Variants in DNAJB4 observed in about 807,000 individuals in gnomAD.
DNAJB4 encodes the protein dnaJ homolog subfamily B member 4.
Under a neutral mutation model 26.6 loss-of-function variants are expected in DNAJB4, and 10 were observed. That is an observed-to-expected ratio of 0.38 (90% confidence interval 0.23 to 0.64). The LOEUF is 0.64. Ranked by LOEUF, DNAJB4 falls within the 30% of genes least tolerant of loss-of-function variation. DNAJB4 has a pLI of 0.58. For missense variants in DNAJB4, 328 were observed against 408.2 expected, an observed-to-expected ratio of 0.80 and a Z score of 1.69; for synonymous variants, 136 against 134.8, an observed-to-expected ratio of 1.01 and a Z score of -0.06.
intron 1 of DNAJB4, among the ~76,000 whole-genome samples, chr1:77,995,147 A>G (rs1183736689): frequency 1.3e-5 from 2 of 152,238 alleles, no homozygotes; most frequent in African/African-American, 2.4e-5. Context: ...AAAATAAAGA[A>G]TGTAAAGTAT....
chr1:78,015,975 TTGAAG>T, intron 2 of DNAJB4, 34 bp from the exon 3 acceptor site: 2 of 1,560,298 alleles, frequency 1.3e-6, no homozygotes, highest in Non-Finnish European at 8.8e-7. Context: ...TTTTTGAGTT[TTGAAG>T]TGTTTTCATT....
At chr1:77,982,030 A>G (rs1659661662) in intron 1 of DNAJB4, among the ~76,000 whole-genome samples, 1 of 152,244 alleles carries the variant, frequency 6.6e-6, no homozygotes, top group Non-Finnish European at 1.5e-5. Context: ...TAATAATGTT[A>G]GATTGAAAGT....
chr1:77,986,886 C>G (rs978486481), intron 1 of DNAJB4, among the ~76,000 whole-genome samples: 33 of 152,078 alleles, frequency 2.2e-4, no homozygotes, highest in African/African-American at 8.0e-4. Flanking sequence ...TTCTACCACC[C>G]TCAGCTTCTT....
intron 1 of DNAJB4, among the ~76,000 whole-genome samples, chr1:77,992,490 T>G (rs1161681386): frequency 1.6e-5 from 2 of 128,044 alleles, no homozygotes; most frequent in Non-Finnish European, 3.3e-5. Flanking sequence ...TTTTGGGAAA[T>G]AGCCATTATC....
chr1:78,012,163 T>C (rs1014451153), intron 1 of DNAJB4, among the ~76,000 whole-genome samples: 1 of 129,126 alleles, frequency 7.7e-6, no homozygotes, highest in South Asian at 2.7e-4. Flanking sequence ...TCTTTTCTTT[T>C]TTTTTTTTTT....
chr1:78,013,014 C>T (rs748201596), intron 1 of DNAJB4, 37 bp from the exon 2 acceptor site: 2 of 1,507,000 alleles, frequency 1.3e-6, no homozygotes, highest in South Asian at 1.4e-5. Context: ...TTAAGAGTTG[C>T]AAGCTTTTTT....
chr1:78,007,789 G>A (rs1216852095), intron 1 of DNAJB4, among the ~76,000 whole-genome samples: 1 of 152,102 alleles, frequency 6.6e-6, no homozygotes, highest in Non-Finnish European at 1.5e-5. Context: ...ATCTCCAGAC[G>A]TGGTTCCATA....
chr1:77,996,897 C>T (rs1006204988), intron 1 of DNAJB4, among the ~76,000 whole-genome samples: 6 of 151,962 alleles, frequency 3.9e-5, no homozygotes, highest in African/African-American at 9.7e-5. Context: ...GGGTGGACTG[C>T]GATCACGGCT....
At chr1:78,014,433 T>G (rs2102615866) in intron 2 of DNAJB4, among the ~76,000 whole-genome samples, 1 of 152,132 alleles carries the variant, frequency 6.6e-6, no homozygotes, top group African/African-American at 2.4e-5. Context: ...TCAAATTGGA[T>G]TGTAACTTTG....
intron 1 of DNAJB4, among the ~76,000 whole-genome samples, chr1:77,981,470 C>T (rs916597146): frequency 6.6e-6 from 1 of 152,100 alleles, no homozygotes; most frequent in Non-Finnish European, 1.5e-5. Context: ...CCCACCACTA[C>T]GCCCAGCTGA....
intron 1 of DNAJB4, among the ~76,000 whole-genome samples, chr1:77,993,050 T>C (rs538051686): frequency 6.6e-6 from 1 of 152,136 alleles, no homozygotes; most frequent in Non-Finnish European, 1.5e-5. Context: ...TTGTAAAAAC[T>C]ATAGTTTTTA....
chr1:77,988,395 C>T (rs974428955), intron 1 of DNAJB4, among the ~76,000 whole-genome samples: 7 of 152,110 alleles, frequency 4.6e-5, no homozygotes, highest in African/African-American at 1.4e-4. Flanking sequence ...CTATCATTCG[C>T]GTAAAACTCT....
At chr1:78,005,625 C>T (rs1486962056) in intron 1 of DNAJB4, among the ~76,000 whole-genome samples, 2 of 152,020 alleles carry the variant, frequency 1.3e-5, no homozygotes, top group Non-Finnish European at 2.9e-5. Context: ...TTAAAATAAA[C>T]CTTGAATTCC....
chr1:78,001,345 G>A (rs201112596), upstream of DNAJB4, among the ~76,000 whole-genome samples: 97 of 143,108 alleles, frequency 6.8e-4, no homozygotes, highest in Non-Finnish European at 7.6e-4. Flanking sequence ...TCTCAAAAAA[G>A]AAAAAAAAAA....
At chr1:78,008,269 G>T (rs1557509959) in intron 1 of DNAJB4, among the ~76,000 whole-genome samples, 1 of 138,118 alleles carries the variant, frequency 7.2e-6, no homozygotes, top group Non-Finnish European at 1.5e-5. Flanking sequence ...ACAAAAACAT[G>T]TCCACACAAA....
intron 1 of DNAJB4, among the ~76,000 whole-genome samples, chr1:77,985,441 A>C (rs997122395): frequency 6.6e-6 from 1 of 152,142 alleles, no homozygotes; most frequent in Non-Finnish European, 1.5e-5. Context: ...AAAGGAATTA[A>C]TTTTTTTATA....
At chr1:77,986,878 C>T (rs1215215933) in intron 1 of DNAJB4, among the ~76,000 whole-genome samples, 1 of 152,128 alleles carries the variant, frequency 6.6e-6, no homozygotes, top group African/African-American at 2.4e-5. Context: ...TCTTTGCCTT[C>T]TACCACCCTC....
chr1:78,001,069 G>A (rs1660180387), upstream of DNAJB4, among the ~76,000 whole-genome samples: 2 of 151,914 alleles, frequency 1.3e-5, no homozygotes, highest in Non-Finnish European at 2.9e-5. Context: ...CAAGTACCAA[G>A]CACCCTGGTT....
At chr1:78,007,046 A>G (rs1173772634) in intron 1 of DNAJB4, among the ~76,000 whole-genome samples, 1 of 152,118 alleles carries the variant, frequency 6.6e-6, no homozygotes, top group African/African-American at 2.4e-5. Context: ...TTGATTTAAC[A>G]TTATCTCTTA....
Sources: allele counts gnomAD v4.1 joint callset (sites outside exome capture counted in the v4.1 genomes callset), GRCh38; gene constraint gnomAD v4.1.1; transcripts MANE v1.5; gene names NCBI Gene and HGNC (gene_info 2026-07-23, HGNC 2026-07-21).